Variants in VWC2L observed in about 807,000 individuals in gnomAD.
VWC2L encodes the protein von Willebrand factor C domain containing 2 like, also known as von Willebrand factor C domain-containing protein 2-like.
In VWC2L, 10 loss-of-function variants were observed where a neutral mutation model predicts 21.6. That is an observed-to-expected ratio of 0.46 (90% CI 0.29 to 0.78). The LOEUF (loss-of-function observed/expected upper bound fraction) is 0.78, where lower values mean the gene tolerates loss of function less well. VWC2L is among the 30% of genes least tolerant of loss of function. VWC2L has a pLI of 0.10. For missense variants in VWC2L, 209 were observed against 277.1 expected (o/e 0.75, Z 1.74); for synonymous variants, 96 against 94.3 (o/e 1.02, Z -0.10).
chr2:214,534,448 AG>A (rs1293481430), intron 3 of VWC2L, among the ~76,000 whole-genome samples: 1 of 152,116 alleles, frequency 6.6e-6, no homozygotes, highest in Non-Finnish European at 1.5e-5. Flanking sequence ...ATTGTTTGCA[AG>A]CACCTTCCAC....
chr2:214,439,921 T>G (rs1702739115), intron 3 of VWC2L, among the ~76,000 whole-genome samples: 1 of 151,940 alleles, frequency 6.6e-6, no homozygotes, highest in Admixed American at 6.6e-5. Context: ...TTTAATATTA[T>G]AAAGTGCAGG....
intron 3 of VWC2L, among the ~76,000 whole-genome samples, chr2:214,473,150 A>G (rs56072521): frequency 3.3e-5 from 5 of 152,226 alleles, no homozygotes; most frequent in African/African-American, 9.6e-5. Flanking sequence ...ATTTGAAAGT[A>G]AGCAAATTGC....
At chr2:214,458,873 TG>T (rs909268036) in intron 3 of VWC2L, among the ~76,000 whole-genome samples, 2 of 152,290 alleles carry the variant, frequency 1.3e-5, no homozygotes, top group Admixed American at 1.3e-4. Context: ...CATATGCAGA[TG>T]AAAAAAATGT....
intron 3 of VWC2L, among the ~76,000 whole-genome samples, chr2:214,528,887 T>G (rs1689386683): frequency 6.6e-6 from 1 of 152,150 alleles, no homozygotes; most frequent in African/African-American, 2.4e-5. Context: ...CATGATAGAG[T>G]CTCTCTTCCT....
intron 2 of VWC2L, among the ~76,000 whole-genome samples, chr2:214,418,908 G>A (rs1052353399): frequency 1.3e-5 from 2 of 152,088 alleles, no homozygotes; most frequent in African/African-American, 2.4e-5. Flanking sequence ...TCCTCACCAA[G>A]GGTTGTCTTG....
chr2:214,425,959 G>A (rs1287201837), intron 2 of VWC2L, among the ~76,000 whole-genome samples: 1 of 151,934 alleles, frequency 6.6e-6, no homozygotes, highest in Non-Finnish European at 1.5e-5. Flanking sequence ...ATCACCTGAG[G>A]TCAGGAGTTC....
chr2:214,442,219 T>C (rs1183702883), intron 3 of VWC2L, among the ~76,000 whole-genome samples: 2 of 152,092 alleles, frequency 1.3e-5, no homozygotes, highest in African/African-American at 4.8e-5. Context: ...CAATAAGATA[T>C]CATTTTAAAT....
intron 3 of VWC2L, chr2:214,534,173 G>T (rs1689487393): frequency 6.6e-6 from 1 of 152,500 alleles, no homozygotes; most frequent in South Asian, 2.1e-4. Flanking sequence ...TGATAATGCT[G>T]CAGCCAAGAT....
chr2:214,433,657 A>G (rs1036863377), intron 2 of VWC2L, among the ~76,000 whole-genome samples: 1 of 152,200 alleles, frequency 6.6e-6, no homozygotes, highest in African/African-American at 2.4e-5. Context: ...AATGGGAAGG[A>G]TTTTTAAAGT....
chr2:214,510,166 T>C (rs1361668916), intron 3 of VWC2L: 1 of 152,182 alleles, frequency 6.6e-6, no homozygotes, highest in Non-Finnish European at 1.5e-5. Context: ...AGCCAGTTGA[T>C]ACTCATTCTG....
intron 3 of VWC2L, chr2:214,472,304 C>T (rs1382684123): frequency 6.6e-6 from 1 of 152,040 alleles, no homozygotes; most frequent in Non-Finnish European, 1.5e-5. Flanking sequence ...GCGAGTGGCT[C>T]CCCAAGGAAA....
intron 3 of VWC2L, among the ~76,000 whole-genome samples, chr2:214,557,916 A>G (rs1470683665): frequency 1.3e-5 from 2 of 152,082 alleles, no homozygotes; most frequent in Non-Finnish European, 2.9e-5. Context: ...CTCTCATTTT[A>G]ACTATCCTCC....
chr2:214,430,687 A>G lies in VWC2L; in HGVS notation c.391-5942A>G, dbSNP rs1356036912. ...AAAAATGAAATGTTTTTTGATAGAC[A>G]TGCTGAAAAAATATACTCCAGAATG... is the stretch of plus-strand genomic sequence containing the variant. On this transcript the variant is annotated intron_variant, in intron 2 of 3. Transcript: ENST00000312504. 3.3e-5 allele frequency among the ~76,000 whole-genome samples: 5 copies of G among 152,226 alleles called. No homozygotes were observed. The East Asian group carries it at 9.6e-4, about 29-fold the overall frequency.
intron 3 of VWC2L, among the ~76,000 whole-genome samples, chr2:214,457,913 G>A (rs1257283468): frequency 6.6e-6 from 1 of 152,088 alleles, no homozygotes; most frequent in African/African-American, 2.4e-5. Flanking sequence ...CAGGGATATT[G>A]ACCTGTAGTT....
intron 3 of VWC2L, among the ~76,000 whole-genome samples, chr2:214,543,996 G>A (rs553272026): frequency 1.3e-5 from 2 of 152,184 alleles, no homozygotes; most frequent in Non-Finnish European, 2.9e-5. Context: ...TCTCTCTTAC[G>A]ATTGTACTTG....
At chr2:214,514,773 G>A (rs1664814002) in intron 3 of VWC2L, among the ~76,000 whole-genome samples, 1 of 152,074 alleles carries the variant, frequency 6.6e-6, no homozygotes, top group Non-Finnish European at 1.5e-5. Flanking sequence ...GTCACTTTTT[G>A]GTGAAAATGT....
intron 3 of VWC2L, among the ~76,000 whole-genome samples, chr2:214,575,427 AT>A (rs370433665): frequency 0.016 from 2,387 of 152,056 alleles, 54 homozygotes; most frequent in African/African-American, 0.053. Flanking sequence ...AGAAAATACG[AT>A]TTTTTTTGAA....
At chr2:214,541,517 G>A (rs1307274624) in intron 3 of VWC2L, among the ~76,000 whole-genome samples, 1 of 152,162 alleles carries the variant, frequency 6.6e-6, no homozygotes, top group East Asian at 1.9e-4. Context: ...CTTAAAATTT[G>A]TAATGGAAGC....
intron 3 of VWC2L, among the ~76,000 whole-genome samples, chr2:214,461,147 C>T (rs946747253): frequency 2.6e-5 from 4 of 152,166 alleles, no homozygotes; most frequent in Non-Finnish European, 5.9e-5. Flanking sequence ...CCAGTCGTGG[C>T]AGCAGTGGGA....
Sources: gnomAD v4.1 joint callset for allele counts (sites outside exome capture counted in the v4.1 genomes callset) on GRCh38, gnomAD v4.1.1 for gene constraint, MANE v1.5 for transcripts, NCBI Gene and HGNC (gene_info 2026-07-23, HGNC 2026-07-21) for gene names.